The following SH3D21 variants were observed in gnomAD, a reference collection of about 807,000 sequenced individuals.
SH3D21 encodes the protein SH3 domain-containing protein 21.
Under a neutral mutation model 82.1 loss-of-function variants are expected in SH3D21, and 83 were observed. That is an observed-to-expected ratio of 1.01 (90% CI 0.85 to 1.21). The LOEUF (loss-of-function observed/expected upper bound fraction) is 1.21, where lower values mean the gene tolerates loss of function less well. SH3D21 is among the 50% of genes most tolerant of loss of function. SH3D21 has a pLI of 0.00. For missense variants in SH3D21, 980 were observed against 962.1 expected, an observed-to-expected ratio of 1.02 and a Z score of -0.25; for synonymous variants, 383 against 387.8, an observed-to-expected ratio of 0.99 and a Z score of 0.15.
rs1207014644 is a variant in SH3D21 at position 36,313,967 on chromosome 1, A to ATTTTTTTTTTTTTTTTTTTTTTTTTTT, written c.769+4381_769+4382insTTTTTTTTTTTTTTTTTTTTTTTTTTT. Among the ~76,000 whole-genome samples, 9 of 36,936 alleles carry ATTTTTTTTTTTTTTTTTTTTTTTTTTT rather than the reference A, an allele frequency of 2.4e-4. 1 individual carries two copies. The highest frequency in any genetic ancestry group is 4.4e-4 in the Admixed American group (1 of 2,266). The allele number at this position is 36,936 out of a possible 152,430, so 24.2% of individuals were successfully genotyped here. A position where few individuals can be genotyped will look rare whatever the true frequency, so the allele number is the denominator to read the frequency against. On this transcript the variant is annotated intron_variant, in intron 10 of 15. Transcript: ENST00000453908. The stretch of plus-strand genomic sequence containing the variant: ...TCTGATGGCTAATGATGCTGAACAT[A>ATTTTTTTTTTTTTTTTTTTTTTTTTTT]TTTTCTTTTTTTTTTTTTTTTTTTT...
intron 10 of SH3D21, 53 bp downstream of exon 10, chr1:36,309,643 G>A (rs1646198841): frequency 1.3e-6 from 2 of 1,544,890 alleles, no homozygotes; most frequent in Admixed American, 2.0e-5. Context: ...AGACCCACCA[G>A]TCCAGTTGCT....
Position 36,307,126 on chromosome 1 carries a change from G to C in SH3D21, c.227-41G>C, listed in dbSNP as rs1646142518. ...GCGCTTCCCCCAGCTCCTCTGACTGGGGCGTCCGACTGGAGCTCAGCCGCG... is the reference window on the plus strand; with the variant it reads ...GCGCTTCCCCCAGCTCCTCTGACTGCGGCGTCCGACTGGAGCTCAGCCGCG... On this transcript the variant is annotated intron_variant, in intron 3 of 15. Coordinates refer to ENST00000453908, the MANE Select transcript of SH3D21 (RefSeq NM_001162530.2). This position sits in a 1 kb window ranked among gnomAD's most constrained non-coding sequence, Gnocchi z 5.4. 6.5e-7 allele frequency: 1 copy of C among 1,549,662 alleles called. No individual in the cohort carries two copies.
intron 9 of SH3D21, among the ~76,000 whole-genome samples, chr1:36,308,833 A>C (rs1646182689): frequency 1.3e-5 from 2 of 152,068 alleles, no homozygotes; most frequent in African/African-American, 4.8e-5. Context: ...AAATACAAAA[A>C]TTAGCTGGGC....
rs142611009 is a variant in SH3D21 at position 36,319,573 on chromosome 1, G to A, written c.1011+37G>A. The A allele has an allele frequency of 3.2e-3, 4,889 of 1,551,394 alleles. 4 individuals are homozygous for A. The highest frequency in any genetic ancestry group is 3.9e-3 in the Non-Finnish European group (4,517 of 1,146,772). On this transcript the variant is annotated intron_variant, in intron 13 of 15. Transcript: ENST00000453908. ...GAGACATGGGAGAGTGGGGATGCTG[G>A]GCAGAGGCTGGTTCCCAGCTGTGGT...
chr1:36,322,010 T>G, downstream of SH3D21: 5 of 1,226,772 alleles, frequency 4.1e-6, no homozygotes, highest in South Asian at 3.1e-5. Context: ...GGGGCAGGAG[T>G]AACAGAGGGA....
chr1:36,322,060 T>A (rs904176186), downstream of SH3D21: 2 of 1,318,246 alleles, frequency 1.5e-6, no homozygotes, highest in Non-Finnish European at 1.9e-6. Flanking sequence ...TTTCATTTGG[T>A]CACTTCACCT....
At chr1:36,309,904 G>A (rs1008353972) in intron 10 of SH3D21, among the ~76,000 whole-genome samples, 6 of 152,154 alleles carry the variant, frequency 3.9e-5, no homozygotes, top group Non-Finnish European at 7.4e-5. Flanking sequence ...TGTGTCTTAT[G>A]TGTCAGTGAA....
chr1:36,321,359 G>A (rs1230655237), downstream of SH3D21: 2 of 1,401,144 alleles, frequency 1.4e-6, no homozygotes, highest in Non-Finnish European at 1.9e-6. This position sits in a 1 kb window ranked among gnomAD's most constrained non-coding sequence, Gnocchi z 6.1. Flanking sequence ...CAAGGCCTGC[G>A]CGCGGCTATT....
chr1:36,310,877 C>CG (rs1469314509), intron 10 of SH3D21, among the ~76,000 whole-genome samples: 2 of 151,942 alleles, frequency 1.3e-5, no homozygotes, highest in Non-Finnish European at 2.9e-5. Context: ...TGTTTATAGT[C>CG]TTCTGAGACT....
Position 36,307,365 on chromosome 1 carries a change from T to G in SH3D21, c.345+80T>G. 2.6e-6 allele frequency: 4 copies of G among 1,531,130 alleles called. No individual in the cohort carries two copies. Among genetic ancestry groups the G allele is most frequent in the Non-Finnish European group, 3.5e-6 (4 of 1,131,534 alleles). 94.8% of individuals were successfully genotyped at this position (1,531,130 alleles called of 1,614,324 possible). Reference sequence around the variant, plus strand: ...TAGTGAGCGGGGTGGGAAGTGAGGGTGTGGACGGTGGGAATGGCGACGGTG... The same window carrying G: ...TAGTGAGCGGGGTGGGAAGTGAGGGGGTGGACGGTGGGAATGGCGACGGTG... On this transcript the variant is annotated intron_variant, in intron 4 of 15. Transcript: ENST00000453908. The surrounding 1 kb of genome is among the most constrained non-coding windows in gnomAD (Gnocchi z 5.4).
intron 10 of SH3D21, among the ~76,000 whole-genome samples, chr1:36,317,534 A>C (rs77460292): frequency 0.092 from 13,926 of 152,086 alleles, 849 homozygotes; most frequent in Middle Eastern, 0.26. Flanking sequence ...CACCCCATTT[A>C]AAATGGTTCC....
At chr1:36,321,770 C>T (rs1570409782), downstream of SH3D21, 2 of 1,001,502 alleles carry the variant, frequency 2.0e-6, no homozygotes, top group East Asian at 1.1e-4. This position sits in a 1 kb window ranked among gnomAD's most constrained non-coding sequence, Gnocchi z 6.1. Context: ...TGTGTCCAGG[C>T]GTTTGCCGGT....
chr1:36,327,565 A>C (rs1285225370), downstream of SH3D21, among the ~76,000 whole-genome samples: 1 of 152,204 alleles, frequency 6.6e-6, no homozygotes, highest in Non-Finnish European at 1.5e-5. Context: ...CCTGCAGGCA[A>C]AAGTATGTTT....
Position 36,306,817 on chromosome 1 carries a change from G to T in SH3D21, c.163-25G>T. 1 of 1,294,456 alleles carries T rather than the reference G, an allele frequency of 7.7e-7. No homozygotes were observed. The highest frequency in any genetic ancestry group is 1.2e-5 in the South Asian group (1 of 80,766). 80.2% of individuals were successfully genotyped at this position (1,294,456 alleles called of 1,614,324 possible). ...CGCGCGCCCCCCGGGAGCTGAGAGCGCCTTCCCCGTGCCCTGATTCCCAGG... is the reference window on the plus strand; with the variant it reads ...CGCGCGCCCCCCGGGAGCTGAGAGCTCCTTCCCCGTGCCCTGATTCCCAGG... On this transcript the variant is annotated intron_variant, in intron 2 of 15. Transcript: ENST00000453908. The surrounding 1 kb of genome is among the most constrained non-coding windows in gnomAD (Gnocchi z 4.5).
intron 10 of SH3D21, among the ~76,000 whole-genome samples, chr1:36,315,708 C>T (rs1033929349): frequency 4.6e-5 from 7 of 152,132 alleles, no homozygotes; most frequent in Admixed American, 2.0e-4. Context: ...TTGTCCACCA[C>T]CTCATTCAGC....
In SH3D21 at chr1:36,313,958, G is replaced by T. The variant is rs189887220; in HGVS notation, c.769+4368G>T. 7.7e-5 allele frequency among the ~76,000 whole-genome samples: 9 copies of T among 116,894 alleles called. No homozygotes were observed. The East Asian group carries it at 2.1e-3, about 28-fold the overall frequency. 76.7% of individuals were successfully genotyped at this position (116,894 alleles called of 152,430 possible). ...TTGCATTTCTCTGATGGCTAATGATGCTGAACATATTTTCTTTTTTTTTTT... is the reference window on the plus strand; with the variant it reads ...TTGCATTTCTCTGATGGCTAATGATTCTGAACATATTTTCTTTTTTTTTTT... On this transcript the variant is annotated intron_variant, in intron 10 of 15. Coordinates refer to ENST00000453908, the MANE Select transcript of SH3D21 (RefSeq NM_001162530.2).
intron 9 of SH3D21, among the ~76,000 whole-genome samples, chr1:36,309,082 C>T (rs570457360): frequency 2.0e-5 from 3 of 152,084 alleles, no homozygotes; most frequent in African/African-American, 4.8e-5. Flanking sequence ...TAATTTTGTG[C>T]ATGAAACAAA....
chr1:36,325,780 G>GTGA (rs1646536874), downstream of SH3D21, among the ~76,000 whole-genome samples: 1 of 152,196 alleles, frequency 6.6e-6, no homozygotes, highest in Non-Finnish European at 1.5e-5. Flanking sequence ...TGCTGACCTC[G>GTGA]TGATCCACCT....
Position 36,306,999 on chromosome 1 carries a change from G to A in SH3D21, c.226+94G>A. On this transcript the variant is annotated intron_variant, in intron 3 of 15. Transcript: ENST00000453908. This position sits in a 1 kb window ranked among gnomAD's most constrained non-coding sequence, Gnocchi z 4.5. The stretch of plus-strand genomic sequence containing the variant: ...GGCTCTTAGTGACGGGCGCGGCTCT[G>A]GGCGGGACCTCGGGGCCGCCCTGCG... 7.1e-7 allele frequency: 1 copy of A among 1,404,686 alleles called. No individual in the cohort carries two copies. Among genetic ancestry groups the A allele is most frequent in the Non-Finnish European group, 9.3e-7 (1 of 1,073,506 alleles). 87.0% of individuals were successfully genotyped at this position (1,404,686 alleles called of 1,614,324 possible).
Sources: allele counts gnomAD v4.1 joint callset (sites outside exome capture counted in the v4.1 genomes callset), GRCh38; gene constraint gnomAD v4.1.1; non-coding constraint Gnocchi (gnomAD v3.1); transcripts MANE v1.5; gene names NCBI Gene and HGNC (gene_info 2026-07-23, HGNC 2026-07-21).